The following PDE1A variants were observed in gnomAD, a reference collection of about 807,000 sequenced individuals.
The protein encoded by PDE1A is dual specificity calcium/calmodulin-dependent 3',5'-cyclic nucleotide phosphodiesterase 1A.
PDE1A carries 35 observed loss-of-function variants against 61.7 expected under a neutral mutation model. The observed-to-expected ratio is 0.57, with a 90% CI of 0.43 to 0.75. PDE1A has a LOEUF of 0.75. Among genes scored for constraint, PDE1A ranks in the 30% least tolerant of loss-of-function variants. The pLI, the probability that PDE1A is intolerant of heterozygous loss-of-function variation, is 0.00. For missense variants in PDE1A, 597 were observed against 630.6 expected, an observed-to-expected ratio of 0.95 and a Z score of 0.57; for synonymous variants, 232 against 213.2, an observed-to-expected ratio of 1.09 and a Z score of -0.77.
the PDE1A span, among the ~76,000 whole-genome samples, chr2:182,681,908 A>G: frequency 1.3e-5 from 2 of 152,098 alleles, no homozygotes; most frequent in African/African-American, 4.8e-5. Flanking sequence ...GGCCTCCCAA[A>G]GTGCTGGGAT....
At chr2:182,552,376 G>T in the PDE1A span, among the ~76,000 whole-genome samples, 1 of 151,300 alleles carries the variant, frequency 6.6e-6, no homozygotes. Context: ...ACAGGGAATT[G>T]TGAGCAGCTA....
At chr2:182,449,843 C>A (rs1685394817) in intron 2 of PDE1A, among the ~76,000 whole-genome samples, 1 of 152,010 alleles carries the variant, frequency 6.6e-6, no homozygotes, top group South Asian at 2.1e-4. Flanking sequence ...ATAACTACTA[C>A]ATAGGGCTGC....
the PDE1A span, among the ~76,000 whole-genome samples, chr2:182,596,852 T>C: frequency 2.0e-5 from 3 of 152,138 alleles, no homozygotes; most frequent in Admixed American, 6.5e-5. Context: ...AGAACTTTCA[T>C]ATAAAGAATC....
chr2:182,143,957 A>T (rs534288086), downstream of PDE1A, among the ~76,000 whole-genome samples: 5 of 152,184 alleles, frequency 3.3e-5, no homozygotes, highest in African/African-American at 1.2e-4. Flanking sequence ...TCTAGATCAG[A>T]TAGGCATACG....
At chr2:182,669,757 G>A in the PDE1A span, among the ~76,000 whole-genome samples, 2 of 152,166 alleles carry the variant, frequency 1.3e-5, no homozygotes, top group Non-Finnish European at 2.9e-5. Flanking sequence ...CACCTTTTAC[G>A]CCATGTGTAT....
the PDE1A span, among the ~76,000 whole-genome samples, chr2:182,709,707 C>T: frequency 6.6e-6 from 1 of 152,150 alleles, no homozygotes; most frequent in Admixed American, 6.5e-5. Context: ...ATATCTCATA[C>T]ATATATCATG....
chr2:182,475,593 TG>T (rs1687303930), intron 2 of PDE1A, among the ~76,000 whole-genome samples: 1 of 151,952 alleles, frequency 6.6e-6, no homozygotes, highest in Non-Finnish European at 1.5e-5. Context: ...TTATAGTTTT[TG>T]TGACTGAAAT....
At chr2:182,547,257 T>A in the PDE1A span, among the ~76,000 whole-genome samples, 5 of 152,306 alleles carry the variant, frequency 3.3e-5, no homozygotes, top group Non-Finnish European at 5.9e-5. Context: ...TTCTAAACGA[T>A]CAGCCTACCC....
chr2:182,626,891 A>G, the PDE1A span, among the ~76,000 whole-genome samples: 1 of 87,934 alleles, frequency 1.1e-5, no homozygotes, highest in Non-Finnish European at 2.2e-5. Context: ...ATACACATAT[A>G]TATATACATA....
the PDE1A span, among the ~76,000 whole-genome samples, chr2:182,549,788 T>C: frequency 1.3e-5 from 2 of 152,170 alleles, no homozygotes; most frequent in Non-Finnish European, 2.9e-5. Flanking sequence ...TGTGTGTATA[T>C]GTTTATATTA....
At chr2:182,278,631 T>C (rs551670136) in intron 1 of PDE1A, among the ~76,000 whole-genome samples, 14 of 151,996 alleles carry the variant, frequency 9.2e-5, no homozygotes, top group Non-Finnish European at 2.1e-4. Context: ...CAAAATTACA[T>C]GGATACTTAT....
chr2:182,632,075 TA>T, the PDE1A span, among the ~76,000 whole-genome samples: 1 of 152,132 alleles, frequency 6.6e-6, no homozygotes, highest in Non-Finnish European at 1.5e-5. Context: ...CTGAAGTATA[TA>T]AAGGGTGAGA....
At chr2:182,553,834 G>T in the PDE1A span, among the ~76,000 whole-genome samples, 4 of 152,224 alleles carry the variant, frequency 2.6e-5, no homozygotes, top group Non-Finnish European at 5.9e-5. Context: ...CTGCATGACA[G>T]AGTTATGTAT....
intron 1 of PDE1A, among the ~76,000 whole-genome samples, chr2:182,385,068 C>T (rs1700950315): frequency 1.3e-5 from 2 of 152,116 alleles, no homozygotes; most frequent in South Asian, 4.1e-4. Flanking sequence ...CTGTACCCAA[C>T]AAAGCTTTAT....
chr2:182,140,336 C>G (rs2125248705), exon 15 of PDE1A: 1 of 152,284 alleles, frequency 6.6e-6, no homozygotes, highest in Admixed American at 6.5e-5. Flanking sequence ...GTAATTCAAT[C>G]AGTATTTATT....
intron 1 of PDE1A, among the ~76,000 whole-genome samples, chr2:182,329,422 T>G (rs1697259292): frequency 6.6e-6 from 1 of 152,142 alleles, no homozygotes; most frequent in Non-Finnish European, 1.5e-5. Flanking sequence ...GGAGTTTCAC[T>G]CTAGTTGCCC....
rs1988751 is a variant in PDE1A, at chr2:182,249,680, C to T, written c.168-9388G>A. Among the ~76,000 whole-genome samples the T allele has an allele frequency of 5.8e-3, 879 of 151,966 alleles. 14 individuals carry two copies. The highest frequency in any genetic ancestry group is 0.021 in the African/African-American group (854 of 41,426). On this transcript the variant is annotated intron_variant, in intron 2 of 13. Coordinates refer to ENST00000351439, the Ensembl canonical transcript of PDE1A. Reference sequence around the variant, plus strand: ...CCATTAGTATTATCTCTTTGATTAACCTATGTCTGCGTTCTGAGCTGCTTG... The same window carrying T: ...CCATTAGTATTATCTCTTTGATTAATCTATGTCTGCGTTCTGAGCTGCTTG...
At chr2:182,523,821 T>C (rs1029661435), upstream of PDE1A, among the ~76,000 whole-genome samples, 2 of 152,158 alleles carry the variant, frequency 1.3e-5, no homozygotes, top group Non-Finnish European at 2.9e-5. Context: ...TGGGAACTAT[T>C]ATTAACAATT....
At chr2:182,702,537 A>G in the PDE1A span, among the ~76,000 whole-genome samples, 1 of 152,216 alleles carries the variant, frequency 6.6e-6, no homozygotes, top group Non-Finnish European at 1.5e-5. Flanking sequence ...TGCACACAGA[A>G]GCTGGTATGT....
Sources: allele counts gnomAD v4.1 joint callset (sites outside exome capture counted in the v4.1 genomes callset), GRCh38; gene constraint gnomAD v4.1.1; transcripts MANE v1.5; gene names NCBI Gene and HGNC (gene_info 2026-07-23, HGNC 2026-07-21).